The following CCDC169 variants were observed in gnomAD, a reference collection of about 807,000 sequenced individuals.
The protein encoded by CCDC169 is coiled-coil domain-containing protein 169.
CCDC169 carries 30 observed loss-of-function variants against 36.0 expected under a neutral mutation model. The ratio of observed to expected loss-of-function variants is 0.83; its 90% CI spans 0.62 to 1.13. The LOEUF is 1.13. CCDC169 is among the 50% of genes most tolerant of loss of function. CCDC169 has a pLI of 0.00. For synonymous variants in CCDC169, 85 were observed against 81.5 expected (o/e 1.04, Z -0.23); for missense variants, 245 against 245.9 (o/e 1.00, Z 0.03).
Position 36,295,850 on chromosome 13 carries a change from C to CT in CCDC169, c.90dup (p.Val31SerfsTer7). The stretch of plus-strand genomic sequence containing the variant: ...CTTAGTTCAAATATTGAGAGTTGCA[C>CT]TGCATCCCTGTTATTTAAAATATTT... On this transcript the variant is annotated frameshift_variant, in exon 2 of 8. Coordinates refer to ENST00000239859, the MANE Select transcript of CCDC169 (RefSeq NM_001144981.3). LOFTEE classifies it high-confidence loss of function. 6.6e-7 allele frequency: 1 copy of CT among 1,524,360 alleles called. No individual in the cohort carries two copies. The highest frequency in any genetic ancestry group is 8.9e-7 in the Non-Finnish European group (1 of 1,127,958). The allele number at this position is 1,524,360 out of a possible 1,614,324, so 94.4% of individuals were successfully genotyped here.
At chr13:36,279,228 C>G (rs142293314) in intron 4 of CCDC169, among the ~76,000 whole-genome samples, 2 of 152,022 alleles carry the variant, frequency 1.3e-5, no homozygotes, top group African/African-American at 4.8e-5. Flanking sequence ...GTGGGAGGAT[C>G]TTTCAACCTC....
chr13:36,237,005 A>G (rs1871159988), intron 7 of CCDC169, among the ~76,000 whole-genome samples: 1 of 152,030 alleles, frequency 6.6e-6, no homozygotes, highest in Non-Finnish European at 1.5e-5. Context: ...ATTAACACAA[A>G]AGTAAATGCT....
chr13:36,233,565 G>A (rs575363425), intron 7 of CCDC169, among the ~76,000 whole-genome samples: 14 of 152,210 alleles, frequency 9.2e-5, no homozygotes, highest in African/African-American at 3.4e-4. Context: ...AGGAAATTAT[G>A]AGAATGATGT....
At chr13:36,295,960 C>T (rs1047346570) in intron 1 of CCDC169, 103 bp from the exon 2 acceptor site, 8 of 651,968 alleles carry the variant, frequency 1.2e-5, no homozygotes, top group Non-Finnish European at 1.8e-5. Context: ...TTTACTATGA[C>T]ACATTATTTA....
chr13:36,253,897 A>G, intron 5 of CCDC169, 41 bp from the exon 6 acceptor site: 1 of 1,545,984 alleles, frequency 6.5e-7, no homozygotes, highest in East Asian at 2.4e-5. Flanking sequence ...ACATATGAGA[A>G]GATTAGCAAT....
intron 4 of CCDC169, chr13:36,274,581 C>CA (rs1876524173): frequency 6.6e-6 from 1 of 152,154 alleles, no homozygotes; most frequent in African/African-American, 2.4e-5. Context: ...TAGATATTAA[C>CA]AACAACGAAA....
chr13:36,277,848 G>A (rs956969535), intron 4 of CCDC169, among the ~76,000 whole-genome samples: 2 of 151,998 alleles, frequency 1.3e-5, no homozygotes, highest in African/African-American at 2.4e-5. Flanking sequence ...GGGAGGCTGA[G>A]GCAGGAGAAT....
At chr13:36,241,674 A>G (rs1000953836) in intron 7 of CCDC169, among the ~76,000 whole-genome samples, 4 of 152,224 alleles carry the variant, frequency 2.6e-5, no homozygotes, top group Non-Finnish European at 4.4e-5. Context: ...TCAAGAATAA[A>G]GCTGCTATGA....
At chr13:36,242,599 C>T (rs767023859) in intron 7 of CCDC169, among the ~76,000 whole-genome samples, 11 of 151,830 alleles carry the variant, frequency 7.2e-5, no homozygotes, top group African/African-American at 1.5e-4. Flanking sequence ...AGAGAGTGAA[C>T]GGGTTTTTTT....
rs114926585 is a variant in CCDC169 at position 36,236,891 on chromosome 13, G to C, written c.546-5599C>G. 6.5e-3 allele frequency among the ~76,000 whole-genome samples: 987 copies of C among 152,132 alleles called. 14 individuals carry two copies. Among genetic ancestry groups the C allele is most frequent in the African/African-American group, 0.023 (941 of 41,534 alleles). On this transcript the variant is annotated intron_variant, in intron 7 of 7. Coordinates refer to ENST00000239859, the MANE Select transcript of CCDC169 (RefSeq NM_001144981.3). ...ACCCCCATGGATACCAAAATTCACAGATGCTCAAGTCCCTTACATAAAACG... is the reference window on the plus strand; with the variant it reads ...ACCCCCATGGATACCAAAATTCACACATGCTCAAGTCCCTTACATAAAACG...
intron 7 of CCDC169, among the ~76,000 whole-genome samples, chr13:36,237,227 CAAAACCACAG>C (rs1214022769): frequency 6.6e-6 from 1 of 151,940 alleles, no homozygotes; most frequent in African/African-American, 2.4e-5. Context: ...AAGTGCAAAT[CAAAACCACAG>C]TAAGATATCA....
chr13:36,280,460 C>A (rs1877366165), intron 4 of CCDC169: 1 of 152,026 alleles, frequency 6.6e-6, no homozygotes, highest in Non-Finnish European at 1.5e-5. Flanking sequence ...CATTCCAACA[C>A]AATGGAACAT....
chr13:36,253,749 A>G, intron 6 of CCDC169, 54 bp downstream of exon 6: 1 of 1,517,478 alleles, frequency 6.6e-7, no homozygotes, highest in Non-Finnish European at 8.8e-7. Flanking sequence ...AAAGTGAAAA[A>G]CATAATTTAC....
At chr13:36,295,634 T>C in intron 2 of CCDC169, 144 bp downstream of exon 2, 1 of 462,780 alleles carries the variant, frequency 2.2e-6, no homozygotes, top group Non-Finnish European at 3.8e-6. Context: ...GCCTCTATCA[T>C]AAACTATCAT....
At chr13:36,232,114 C>G (rs1005458672) in intron 7 of CCDC169, among the ~76,000 whole-genome samples, 2 of 152,190 alleles carry the variant, frequency 1.3e-5, no homozygotes, top group Non-Finnish European at 2.9e-5. Context: ...AGCTTTGTAG[C>G]ATTTTAACTT....
At chr13:36,227,432 A>G, downstream of CCDC169, 1 of 1,447,844 alleles carries the variant, frequency 6.9e-7, no homozygotes, top group Non-Finnish European at 9.2e-7. Context: ...GAAGGTACAA[A>G]TATGCTAATA....
chr13:36,283,374 G>A, intron 4 of CCDC169, 95 bp downstream of exon 4: 1 of 1,151,622 alleles, frequency 8.7e-7, no homozygotes, highest in South Asian at 1.5e-5. Flanking sequence ...TTTGGACCTT[G>A]CGCTAGTCTT....
At chr13:36,285,614 G>GATAGATACATAGATACATAGATAC (rs1555254466) in intron 2 of CCDC169, among the ~76,000 whole-genome samples, 233 of 138,156 alleles carry the variant, frequency 1.7e-3, no homozygotes, top group Middle Eastern at 8.2e-3. Flanking sequence ...TAGATAGATA[G>GATAGATACATAGATACATAGATAC]ATAGATACAT....
At chr13:36,294,785 G>A (rs1361778313) in intron 2 of CCDC169, among the ~76,000 whole-genome samples, 2 of 152,024 alleles carry the variant, frequency 1.3e-5, no homozygotes, top group Non-Finnish European at 2.9e-5. Context: ...ACGTGACTGG[G>A]GGCTCCATGC....
Sources: gnomAD v4.1 joint callset for allele counts (sites outside exome capture counted in the v4.1 genomes callset) on GRCh38, gnomAD v4.1.1 for gene constraint, MANE v1.5 for transcripts, NCBI Gene and HGNC (gene_info 2026-07-23, HGNC 2026-07-21) for gene names.